The following HS3ST6 variants were observed in gnomAD, a reference collection of about 807,000 sequenced individuals.
HS3ST6 encodes the protein heparan sulfate glucosamine 3-O-sulfotransferase 6.
A neutral mutation model predicts 11.0 loss-of-function variants in HS3ST6; 13 were observed. The observed-to-expected ratio is 1.18, with a 90% CI of 0.77 to 1.88. The LOEUF (loss-of-function observed/expected upper bound fraction) is 1.88. Among genes scored for constraint, HS3ST6 ranks in the 40% most tolerant of loss-of-function variants. The pLI, the probability that HS3ST6 is intolerant of heterozygous loss-of-function variation, is 0.00. For missense variants in HS3ST6, 541 were observed against 494.4 expected, an observed-to-expected ratio of 1.09 and a Z score of -0.89; for synonymous variants, 232 against 230.6, an observed-to-expected ratio of 1.01 and a Z score of -0.06.
At chr16:1,919,972 G>T (rs1044671142), upstream of HS3ST6, among the ~76,000 whole-genome samples, 7 of 152,156 alleles carry the variant, frequency 4.6e-5, no homozygotes, top group Non-Finnish European at 1.0e-4. Flanking sequence ...TCGGGGTGGG[G>T]GCTGGGGTCC....
Position 1,918,222 on chromosome 16 carries a change from G to C in HS3ST6, c.102C>G (p.Leu34=), listed in dbSNP as rs1567300097. The change falls in exon 1 of 2, where the codon CTC becomes CTG. Residue 34 remains leucine (L), a synonymous_variant. Transcript: ENST00000454677. This position sits in a 1 kb window ranked among gnomAD's most constrained non-coding sequence, Gnocchi z 6.0. ...ALRASRAPML[L]VALVLGAYCL... is the part of the protein sequence containing the mutation. ...AGTAGGCGCCGAGCACCAGGGCCAC[G>C]AGCAGCATCGGCGCGCGGGACGCCC... is the stretch of plus-strand genomic sequence containing the variant. 8.6e-6 allele frequency: 9 copies of C among 1,043,180 alleles called. No homozygotes were observed. The highest frequency in any genetic ancestry group is 1.0e-5 in the Non-Finnish European group (9 of 870,014). The allele number at this position is 1,043,180 out of a possible 1,614,324, so 64.6% of individuals were successfully genotyped here.
upstream of HS3ST6, among the ~76,000 whole-genome samples, chr16:1,920,907 C>T (rs1465536711): frequency 1.3e-5 from 2 of 152,164 alleles, no homozygotes; most frequent in African/African-American, 4.8e-5. Context: ...GAAGGGTATA[C>T]GTGGGAGGAG....
rs148430771 is a variant in HS3ST6 at position 1,915,190 on chromosome 16, C to A, written c.413+2721G>T. On this transcript the variant is annotated intron_variant, in intron 1 of 1. Coordinates refer to ENST00000454677, the MANE Select transcript of HS3ST6 (RefSeq NM_001009606.4). ...CTACATACTCAGACCCCACTCCCTGCACCCACTGCTCTTGCAAACCAGGAA... is the reference window on the plus strand; with the variant it reads ...CTACATACTCAGACCCCACTCCCTGAACCCACTGCTCTTGCAAACCAGGAA... Among the ~76,000 whole-genome samples, 857 of 152,366 alleles carry A rather than the reference C, an allele frequency of 5.6e-3. 7 individuals are homozygous for A. Among genetic ancestry groups the A allele is most frequent in the African/African-American group, 0.019 (806 of 41,590 alleles).
chr16:1,914,562 C>CCCTTT (rs943811296), intron 1 of HS3ST6, among the ~76,000 whole-genome samples: 2 of 152,204 alleles, frequency 1.3e-5, no homozygotes, highest in Admixed American at 1.3e-4. Flanking sequence ...AGGAGCCCAC[C>CCCTTT]CCTTTCCTTT....
At chr16:1,920,597 A>G (rs1361110224), upstream of HS3ST6, among the ~76,000 whole-genome samples, 2 of 152,110 alleles carry the variant, frequency 1.3e-5, no homozygotes, top group African/African-American at 4.8e-5. Context: ...TCTCTGCTGG[A>G]TGCTTTATCC....
In HS3ST6 at chr16:1,911,851, C is replaced by T. The variant is rs199919782; in HGVS notation, c.768G>A (p.Pro256=). ...CCTGCACGCGGCCGACCTCTCCGGC[C>T]GGGTCGCTGACCAGACGCTCCCCGC... The part of the protein sequence containing the change: ...FVSGERLVSD[P]AGEVGRVQDF... Residue 256 remains proline, a synonymous_variant, in exon 2 of 2, where the codon CCG becomes CCA. Coordinates refer to ENST00000454677, the MANE Select transcript of HS3ST6 (RefSeq NM_001009606.4). 4,750 of 1,610,684 alleles carry T rather than the reference C, an allele frequency of 2.9e-3. 13 individuals carry two copies. Among genetic ancestry groups the T allele is most frequent in the Non-Finnish European group, 3.7e-3 (4,335 of 1,178,258 alleles).
chr16:1,911,641 G>A lies in HS3ST6; in HGVS notation c.978C>T (p.Pro326=). The A allele has an allele frequency of 1.2e-6, 2 of 1,609,434 alleles. No homozygotes were observed. The highest frequency in any genetic ancestry group is 4.5e-5 in the East Asian group (2 of 44,680). Residue 326 remains proline, a synonymous_variant, in exon 2 of 2, where the codon CCC becomes CCT. Coordinates refer to ENST00000454677, the MANE Select transcript of HS3ST6 (RefSeq NM_001009606.4). The part of the protein sequence containing the change: ...LVRRLQEFYR[P]FNRRFYQMTG... Reference sequence around the variant, plus strand: ...TCATCTGGTAGAACCTGCGGTTGAAGGGCCGGTAGAACTCCTGCAGGCGCC... The same window carrying A: ...TCATCTGGTAGAACCTGCGGTTGAAAGGCCGGTAGAACTCCTGCAGGCGCC...
chr16:1,911,495 C>T lies in HS3ST6; in HGVS notation c.*95G>A. ...AAAAATCTGGGTCCAAGCTTTATTT[C>T]TTAAATATTCCTCTCTGCCCAGCAT... is the stretch of plus-strand genomic sequence containing the variant. On this transcript the variant is annotated 3_prime_UTR_variant, in exon 2 of 2. Coordinates refer to ENST00000454677, the MANE Select transcript of HS3ST6 (RefSeq NM_001009606.4). 2 of 1,377,340 alleles carry T rather than the reference C, an allele frequency of 1.5e-6. No homozygotes were observed. The highest frequency in any genetic ancestry group is 3.0e-5 in the South Asian group (2 of 66,264). The allele number at this position is 1,377,340 out of a possible 1,614,324, so 85.3% of individuals were successfully genotyped here.
Position 1,918,026 on chromosome 16 carries a change from T to C in HS3ST6, c.298A>G (p.Lys100Glu). 1 of 1,532,928 alleles carries C rather than the reference T, an allele frequency of 6.5e-7. No individual in the cohort carries two copies. Among genetic ancestry groups the C allele is most frequent in the East Asian group, 2.5e-5 (1 of 39,506 alleles). 95.0% of individuals were successfully genotyped at this position (1,532,928 alleles called of 1,614,324 possible). A position where few individuals can be genotyped will look rare whatever the true frequency, so the allele number is the denominator to read the frequency against. ...TCCAGCAGGGCGCGCGTGCCGCCCT[T>C]CTTCACGCCAACGATGAGCGCTTGC... ...FPQALIVGVKKGGTRALLEFL... is the reference protein window; with the variant it reads ...FPQALIVGVKEGGTRALLEFL... The change falls in exon 1 of 2, where the codon AAG (lysine) becomes GAG (glutamate). Residue 100 changes from lysine to glutamate, a missense_variant. Lys to Glu is a moderately conservative substitution (Grantham distance 56, BLOSUM62 1). Coordinates refer to ENST00000454677, the MANE Select transcript of HS3ST6 (RefSeq NM_001009606.4). The surrounding 1 kb of genome is among the most constrained non-coding windows in gnomAD (Gnocchi z 6.0).
chr16:1,914,398 G>A (rs1178753730), intron 1 of HS3ST6, among the ~76,000 whole-genome samples: 1 of 152,140 alleles, frequency 6.6e-6, no homozygotes, highest in African/African-American at 2.4e-5. Context: ...CCTCGCTGAC[G>A]ATGCCCATAG....
In HS3ST6 at chr16:1,911,991, G is replaced by T. The variant is rs558400953; in HGVS notation, c.628C>A (p.Arg210Ser). The change falls in exon 2 of 2, where the codon CGC becomes AGC. Residue 210 changes from arginine to serine, a missense_variant. Transcript: ENST00000454677. ...GTGTCCACGGGGCCCAGGCCGTGGC[G>T]GAAGGCCAGGGCGCGGAAGCTGGGC... ...GLPSFRALAF[R>S]HGLGPVDTAW... 5 of 1,538,636 alleles carry T rather than the reference G, an allele frequency of 3.2e-6. No homozygotes were observed. The highest frequency in any genetic ancestry group is 4.4e-6 in the Non-Finnish European group (5 of 1,143,168).
Position 1,918,020 on chromosome 16 carries a change from C to T in HS3ST6, c.304G>A (p.Gly102Ser). The change falls in exon 1 of 2, where the codon GGC becomes AGC. Residue 102 changes from glycine to serine, a missense_variant. By Grantham distance (56) the Gly-to-Ser change is moderately conservative (BLOSUM62 0). Transcript: ENST00000454677. The surrounding 1 kb of genome is among the most constrained non-coding windows in gnomAD (Gnocchi z 6.0). ...AGAAACTCCAGCAGGGCGCGCGTGC[C>T]GCCCTTCTTCACGCCAACGATGAGC... ...QALIVGVKKG[G>S]TRALLEFLRL... 1 of 1,535,484 alleles carries T rather than the reference C, an allele frequency of 6.5e-7. No homozygotes were observed. The highest frequency in any genetic ancestry group is 8.7e-7 in the Non-Finnish European group (1 of 1,149,278).
Position 1,918,226 on chromosome 16 carries a change from A to C in HS3ST6, c.98T>G (p.Leu33Arg). ...AALRASRAPMLLVALVLGAYC... is the reference protein window; with the variant it reads ...AALRASRAPMRLVALVLGAYC... ...GGCGCCGAGCACCAGGGCCACGAGC[A>C]GCATCGGCGCGCGGGACGCCCGCAG... is the stretch of plus-strand genomic sequence containing the variant. The change falls in exon 1 of 2, where the codon CTG becomes CGG. Residue 33 changes from leucine (L) to arginine (R), a missense_variant. By Grantham distance (102) the Leu-to-Arg change is moderately radical (BLOSUM62 -2). Coordinates refer to ENST00000454677, the MANE Select transcript of HS3ST6 (RefSeq NM_001009606.4). This position sits in a 1 kb window ranked among gnomAD's most constrained non-coding sequence, Gnocchi z 6.0. 1 of 1,039,170 alleles carries C rather than the reference A, an allele frequency of 9.6e-7. No homozygotes were observed. The highest frequency in any genetic ancestry group is 1.2e-6 in the Non-Finnish European group (1 of 867,356). The allele number at this position is 1,039,170 out of a possible 1,614,324, so 64.4% of individuals were successfully genotyped here.
chr16:1,911,534 G>C lies in HS3ST6; in HGVS notation c.*56C>G. 2 of 1,486,924 alleles carry C rather than the reference G, an allele frequency of 1.3e-6. No individual in the cohort carries two copies. Among genetic ancestry groups the C allele is most frequent in the Non-Finnish European group, 9.0e-7 (1 of 1,117,178 alleles). 92.1% of individuals were successfully genotyped at this position (1,486,924 alleles called of 1,614,324 possible). ...TCTGCCCAGCATGTGCACGCAGCCC[G>C]CTCTGGCCAGGCGAGCGGGTGTCAA... On this transcript the variant is annotated 3_prime_UTR_variant, in exon 2 of 2. Coordinates refer to ENST00000454677, the MANE Select transcript of HS3ST6 (RefSeq NM_001009606.4).
upstream of HS3ST6, among the ~76,000 whole-genome samples, chr16:1,920,586 C>G (rs534914229): frequency 6.6e-6 from 1 of 152,228 alleles, no homozygotes; most frequent in Admixed American, 6.5e-5. Flanking sequence ...CCGCTGCCGT[C>G]TCTCTGCTGG....
chr16:1,912,497 A>G lies in HS3ST6; in HGVS notation c.414-292T>C, dbSNP rs1469887771. ...TGACGGTCGCTGGTCGGGAGGCCCA[A>G]ATGCTCCTCACCACCCACATATCTT... On this transcript the variant is annotated intron_variant, in intron 1 of 1. Coordinates refer to ENST00000454677, the MANE Select transcript of HS3ST6 (RefSeq NM_001009606.4). The surrounding 1 kb of genome is among the most constrained non-coding windows in gnomAD (Gnocchi z 5.6). Among the ~76,000 whole-genome samples the G allele has an allele frequency of 1.3e-5, 2 of 151,948 alleles. No individual in the cohort carries two copies. The highest frequency in any genetic ancestry group is 1.3e-4 in the Admixed American group (2 of 15,270).
chr16:1,912,122 C>A lies in HS3ST6; in HGVS notation c.497G>T (p.Arg166Leu), dbSNP rs202049960. 2.0e-6 allele frequency: 3 copies of A among 1,498,402 alleles called. No individual in the cohort carries two copies. The highest frequency in any genetic ancestry group is 2.8e-5 in the African/African-American group (2 of 70,384). 92.8% of individuals were successfully genotyped at this position (1,498,402 alleles called of 1,614,324 possible). A position where few individuals can be genotyped will look rare whatever the true frequency, so the allele number is the denominator to read the frequency against. Reference sequence around the variant, plus strand: ...CGTGTCCGGGGACATGGCGTGGATGCGGCGGGGGGCCTCTCGCGTCACGAA... The same window carrying A: ...CGTGTCCGGGGACATGGCGTGGATGAGGCGGGGGGCCTCTCGCGTCACGAA... ...SYFVTREAPR[R>L]IHAMSPDTKL... The change falls in exon 2 of 2, where the codon CGC (arginine) becomes CTC (leucine). Residue 166 changes from arginine to leucine, a missense_variant. Arg to Leu is a moderately radical substitution (Grantham distance 102). Coordinates refer to ENST00000454677, the MANE Select transcript of HS3ST6 (RefSeq NM_001009606.4). The surrounding 1 kb of genome is among the most constrained non-coding windows in gnomAD (Gnocchi z 5.6).
intron 1 of HS3ST6, among the ~76,000 whole-genome samples, chr16:1,916,268 C>T (rs1011079963): frequency 3.0e-5 from 3 of 100,504 alleles, no homozygotes; most frequent in African/African-American, 7.5e-5. Context: ...GTCCAAGGGA[C>T]AATACCAGAT....
intron 1 of HS3ST6, among the ~76,000 whole-genome samples, chr16:1,914,426 G>C (rs2082912608): frequency 6.6e-6 from 1 of 152,150 alleles, no homozygotes; most frequent in African/African-American, 2.4e-5. Context: ...CCAGGCCAGT[G>C]CTGGGAGGGG....
Sources: allele counts gnomAD v4.1 joint callset (sites outside exome capture counted in the v4.1 genomes callset), GRCh38; gene constraint gnomAD v4.1.1; non-coding constraint Gnocchi (gnomAD v3.1); transcripts MANE v1.5; gene names NCBI Gene and HGNC (gene_info 2026-07-23, HGNC 2026-07-21).